The following OFD1 variants were observed in gnomAD, a reference collection of about 807,000 sequenced individuals.
The protein encoded by OFD1 is centriole and centriolar satellite protein OFD1.
A neutral mutation model predicts 81.4 loss-of-function variants in OFD1; 12 were observed. The observed-to-expected ratio is 0.15, with a 90% confidence interval of 0.09 to 0.24. OFD1 has a LOEUF of 0.24. Ranked by LOEUF, OFD1 falls within the 10% of genes least tolerant of loss-of-function variation. The pLI is 1.00. For missense variants in OFD1, 685 were observed against 733.9 expected, an observed-to-expected ratio of 0.93 and a Z score of 0.77; for synonymous variants, 256 against 263.7, an observed-to-expected ratio of 0.97 and a Z score of 0.28.
At chrX:13,743,292 A>G (rs1298316544) in intron 5 of OFD1, among the ~76,000 whole-genome samples, 4 of 112,589 alleles carry the variant, frequency 3.6e-5, no homozygotes, top group Non-Finnish European at 7.5e-5. Flanking sequence ...ACTGTATGCA[A>G]TTTGCTTTTT....
intron 13 of OFD1, 41 bp downstream of exon 13, chrX:13,756,808 A>G (rs776085357): frequency 1.9e-5 from 19 of 1,000,974 alleles, no homozygotes; most frequent in Admixed American, 6.5e-5. Flanking sequence ...TGTTTTAGTA[A>G]TTCGCATTAG....
At position 13,767,444 on chromosome X, in the gene OFD1, G is replaced by GA. The variant is rs202238503; in HGVS notation, c.2757+163dup. Among the ~76,000 whole-genome samples the GA allele has an allele frequency of 0.27, 30,483 of 111,117 alleles. 3,298 individuals carry two copies. Among genetic ancestry groups the GA allele is most frequent in the Non-Finnish European group, 0.34 (18,059 of 52,837 alleles). On this transcript the variant is annotated intron_variant, in intron 20 of 22. Coordinates refer to ENST00000340096, the MANE Select transcript of OFD1 (RefSeq NM_003611.3). The stretch of plus-strand genomic sequence containing the variant: ...CCTCTCCTTGTCTTAAAAGCAGTGG[G>GA]AAAGGCTGCACAGAATGTGAAGCTT...
intron 5 of OFD1, chrX:13,739,362 A>G (rs2046999795): frequency 8.3e-6 from 2 of 240,286 alleles, no homozygotes; most frequent in Admixed American, 1.3e-4. Context: ...TATCCCTCTC[A>G]AGTATAATTG....
intron 5 of OFD1, among the ~76,000 whole-genome samples, chrX:13,740,694 G>T (rs1170330524): frequency 9.2e-6 from 1 of 109,204 alleles, no homozygotes; most frequent in Non-Finnish European, 1.9e-5. Flanking sequence ...TTGGGAGGCT[G>T]AGGCAGGAGA....
chrX:13,767,605 G>A (rs1002956000), intron 20 of OFD1, among the ~76,000 whole-genome samples: 1 of 112,331 alleles, frequency 8.9e-6, no homozygotes, highest in African/African-American at 3.2e-5. Context: ...TTAAAGAAGA[G>A]ACTGTCAGTG....
chrX:13,760,261 G>T lies in OFD1; in HGVS notation c.1801G>T (p.Ala601Ser). 8.3e-7 allele frequency: 1 copy of T among 1,211,876 alleles called. No homozygotes were observed. The highest frequency in any genetic ancestry group is 1.1e-6 in the Non-Finnish European group (1 of 895,512). Residue 601 changes from alanine (A) to serine (S), a missense_variant, in exon 16 of 23, where the codon GCA becomes TCA. By Grantham distance (99) the Ala-to-Ser change is moderately conservative. Coordinates refer to ENST00000340096, the MANE Select transcript of OFD1 (RefSeq NM_003611.3). ...NNPFKQENVLARMVASRITNY... is the reference protein window; with the variant it reads ...NNPFKQENVLSRMVASRITNY... ...TCCTTTTAAACAGGAAAACGTTCTA[G>T]CACGTATGGTTGCATCAAGGATCAC...
chrX:13,748,919 C>T (rs1322427059), intron 8 of OFD1, among the ~76,000 whole-genome samples: 1 of 110,174 alleles, frequency 9.1e-6, no homozygotes, highest in African/African-American at 3.3e-5. Flanking sequence ...AGAAGTTCGA[C>T]ACCAGCCTGG....
At chrX:13,714,741 T>C in the OFD1 span, among the ~76,000 whole-genome samples, 3 of 112,278 alleles carry the variant, frequency 2.7e-5, no homozygotes, top group African/African-American at 9.7e-5. Flanking sequence ...GTATGATAAA[T>C]GTTGCCTGTG....
intron 17 of OFD1, among the ~76,000 whole-genome samples, chrX:13,762,090 G>T (rs922834261): frequency 9.1e-6 from 1 of 110,481 alleles, no homozygotes; most frequent in Non-Finnish European, 1.9e-5. Flanking sequence ...AGCATTCAGA[G>T]TACAACATTA....
intron 5 of OFD1, among the ~76,000 whole-genome samples, chrX:13,743,683 GTTTA>G (rs1361973333): frequency 9.0e-6 from 1 of 111,569 alleles, no homozygotes; most frequent in East Asian, 2.8e-4. Flanking sequence ...TTTTGTTCAT[GTTTA>G]TTCAGCATCT....
At chrX:13,735,571 ATAAT>A (rs1330305797) in intron 2 of OFD1, among the ~76,000 whole-genome samples, 1 of 112,794 alleles carries the variant, frequency 8.9e-6, no homozygotes, top group African/African-American at 3.2e-5. Context: ...GCATATTCAA[ATAAT>A]TAATTGAACT....
chrX:13,723,020 G>A, the OFD1 span, among the ~76,000 whole-genome samples: 281 of 107,756 alleles, frequency 2.6e-3, 2 homozygotes, highest in African/African-American at 8.4e-3. Context: ...GTGTGAACCC[G>A]GGAGGCGGAG....
rs2046787469 is a variant in OFD1, at chrX:13,734,806, C to T, written c.-266C>T. 3 of 1,073,831 alleles carry T rather than the reference C, an allele frequency of 2.8e-6. No homozygotes were observed. The highest frequency in any genetic ancestry group is 1.9e-5 in the African/African-American group (1 of 53,021). The allele number at this position is 1,073,831 out of a possible 1,213,427, so 88.5% of individuals were successfully genotyped here. On this transcript the variant is annotated 5_prime_UTR_variant, in exon 1 of 23. Coordinates refer to ENST00000340096, the MANE Select transcript of OFD1 (RefSeq NM_003611.3). ...CAGTCCCTAGTGTCTGGGTCCCCGCCCTCCAGCCGCCTTTGAGTCGTGCCT... is the reference window on the plus strand; with the variant it reads ...CAGTCCCTAGTGTCTGGGTCCCCGCTCTCCAGCCGCCTTTGAGTCGTGCCT...
intron 14 of OFD1, 23 bp from the exon 15 acceptor site, chrX:13,758,314 T>C (rs1235916532): frequency 9.7e-7 from 1 of 1,028,243 alleles, no homozygotes; most frequent in East Asian, 3.0e-5. Flanking sequence ...ATTGATTTCT[T>C]TTCCTATTCT....
At chrX:13,757,281 A>G (rs961940344) in intron 13 of OFD1, among the ~76,000 whole-genome samples, 1 of 111,589 alleles carries the variant, frequency 9.0e-6, no homozygotes, top group Admixed American at 9.5e-5. Flanking sequence ...CTGGATCCCA[A>G]CTGCTGCTGT....
chrX:13,721,328 AC>A, the OFD1 span: 1 of 112,257 alleles, frequency 8.9e-6, no homozygotes, highest in Non-Finnish European at 1.9e-5. Flanking sequence ...ACACTGTAGC[AC>A]CTTATGGTGC....
upstream of OFD1, among the ~76,000 whole-genome samples, chrX:13,733,477 C>T (rs145648593): frequency 6.5e-3 from 725 of 111,958 alleles, 3 homozygotes; most frequent in African/African-American, 0.023. Flanking sequence ...CTTTAAAATC[C>T]AACTAAGCCT....
intron 6 of OFD1, among the ~76,000 whole-genome samples, chrX:13,745,758 A>G (rs1197802435): frequency 8.9e-6 from 1 of 112,261 alleles, no homozygotes; most frequent in Admixed American, 9.4e-5. Flanking sequence ...TTTGAGGGCC[A>G]TGGACTAAGG....
chrX:13,745,023 A>G (rs780063476), intron 6 of OFD1, among the ~76,000 whole-genome samples: 1 of 111,983 alleles, frequency 8.9e-6, no homozygotes, highest in South Asian at 3.7e-4. Context: ...TTTTTGTACT[A>G]TCCAGCTGGT....
Sources: gnomAD v4.1 joint callset for allele counts (sites outside exome capture counted in the v4.1 genomes callset) on GRCh38, gnomAD v4.1.1 for gene constraint, MANE v1.5 for transcripts, NCBI Gene and HGNC (gene_info 2026-07-23, HGNC 2026-07-21) for gene names.